Variants in CASS4 observed in about 807,000 individuals in gnomAD.
The protein encoded by CASS4 is cas scaffolding protein family member 4.
A neutral mutation model predicts 54.2 loss-of-function variants in CASS4; 22 were observed. That is an observed-to-expected ratio of 0.41 (90% confidence interval 0.29 to 0.58). CASS4 has a LOEUF of 0.58. CASS4 is among the 20% of genes least tolerant of loss of function. The probability of loss-of-function intolerance (pLI) is 0.36; values close to 1 mark genes in which losing one functional copy is unlikely to be tolerated. For synonymous variants in CASS4, 409 were observed against 391.5 expected (o/e 1.04, Z -0.53); for missense variants, 854 against 986.7 (o/e 0.87, Z 1.80).
chr20:56,418,752 G>T (rs545912005), intron 1 of CASS4, among the ~76,000 whole-genome samples: 8 of 152,286 alleles, frequency 5.3e-5, no homozygotes, highest in Admixed American at 1.3e-4. Context: ...GGAGTAGATA[G>T]CTTCTATTTA....
intron 1 of CASS4, among the ~76,000 whole-genome samples, chr20:56,432,659 C>T (rs1203574842): frequency 6.6e-6 from 1 of 152,156 alleles, no homozygotes; most frequent in Non-Finnish European, 1.5e-5. Flanking sequence ...TGCACCATCA[C>T]ACCCAGCCTA....
Position 56,437,015 on chromosome 20 carries a change from A to C in CASS4, c.37-149A>C. ...CCAAGGATGTGAAGGAACAAATCAAAGAGCAGGGACAAGAGCCTCTGGGGT... is the reference window on the plus strand; with the variant it reads ...CCAAGGATGTGAAGGAACAAATCAACGAGCAGGGACAAGAGCCTCTGGGGT... On this transcript the variant is annotated intron_variant, in intron 1 of 5. Transcript: ENST00000679887. This position sits in a 1 kb window ranked among gnomAD's most constrained non-coding sequence, Gnocchi z 4.7. 14 of 696,532 alleles carry C rather than the reference A, an allele frequency of 2.0e-5. No individual in the cohort carries two copies. The South Asian group carries it at 3.0e-4, about 15-fold the overall frequency. The allele number at this position is 696,532 out of a possible 1,614,324, so 43.1% of individuals were successfully genotyped here.
chr20:56,458,887 C>G lies in CASS4; in HGVS notation c.*140C>G, dbSNP rs577934006. ...ACCTGGTGCCCAAAGCTGGTAGTAC[C>G]AAGTGGCTAAGCAACCCCAGGGCAT... is the stretch of plus-strand genomic sequence containing the variant. On this transcript the variant is annotated 3_prime_UTR_variant, in exon 6 of 6. Transcript: ENST00000679887. 390 of 880,314 alleles carry G rather than the reference C, an allele frequency of 4.4e-4. 4 individuals carry two copies. In the African/African-American group the frequency reaches 5.9e-3, roughly 13 times the overall value. The allele number at this position is 880,314 out of a possible 1,614,324, so 54.5% of individuals were successfully genotyped here.
In CASS4 at chr20:56,451,855, A is replaced by C; in HGVS notation, c.679A>C (p.Arg227=). The stretch of plus-strand genomic sequence containing the variant: ...TCCCCTGATATCAGTGACTACCTTA[A>C]GAAGAGGCGGTTACAGCACATTACC... ...GVPLISVTTL[R]RGGYSTLPNP... is the part of the protein sequence containing the mutation. Residue 227 remains arginine (R), a synonymous_variant, in exon 5 of 6, where the codon AGA becomes CGA. Coordinates refer to ENST00000679887, the MANE Select transcript of CASS4 (RefSeq NM_020356.4). The C allele has an allele frequency of 6.2e-7, 1 of 1,613,934 alleles. No homozygotes were observed. Among genetic ancestry groups the C allele is most frequent in the East Asian group, 2.2e-5 (1 of 44,872 alleles).
At chr20:56,455,799 C>T (rs1018767317) in intron 5 of CASS4, among the ~76,000 whole-genome samples, 7 of 152,074 alleles carry the variant, frequency 4.6e-5, no homozygotes, top group Non-Finnish European at 4.4e-5. Context: ...GGCATGATAG[C>T]GGGCACCTGT....
intron 1 of CASS4, among the ~76,000 whole-genome samples, chr20:56,418,680 T>G (rs1338369571): frequency 1.3e-5 from 2 of 152,210 alleles, no homozygotes; most frequent in Non-Finnish European, 2.9e-5. Flanking sequence ...TTTTGATGTT[T>G]GAGACCGCTG....
At chr20:56,441,151 G>A (rs1980436790) in intron 2 of CASS4, among the ~76,000 whole-genome samples, 1 of 149,120 alleles carries the variant, frequency 6.7e-6, no homozygotes, top group South Asian at 2.1e-4. Flanking sequence ...ACCACGCCTG[G>A]CTAAATTTTT....
chr20:56,440,104 C>T (rs188976519), intron 2 of CASS4, among the ~76,000 whole-genome samples: 64 of 152,356 alleles, frequency 4.2e-4, no homozygotes, highest in African/African-American at 1.4e-3. Flanking sequence ...GGCTACAAGA[C>T]ATAGAACCAG....
In CASS4 at chr20:56,458,984, T is replaced by G. The variant is rs1364088121; in HGVS notation, c.*237T>G. 1 of 508,370 alleles carries G rather than the reference T, an allele frequency of 2.0e-6. No homozygotes were observed. Among genetic ancestry groups the G allele is most frequent in the Non-Finnish European group, 3.5e-6 (1 of 285,072 alleles). 31.5% of individuals were successfully genotyped at this position (508,370 alleles called of 1,614,324 possible). On this transcript the variant is annotated 3_prime_UTR_variant, in exon 6 of 6. Coordinates refer to ENST00000679887, the MANE Select transcript of CASS4 (RefSeq NM_020356.4). The stretch of plus-strand genomic sequence containing the variant: ...AAGACCTTGTGAAGTTTAGCATATA[T>G]GGAGTATGCAGTATCAGCTTGAAGT...
intron 2 of CASS4, among the ~76,000 whole-genome samples, chr20:56,442,477 C>A (rs1980508460): frequency 6.6e-6 from 1 of 151,714 alleles, no homozygotes; most frequent in African/African-American, 2.4e-5. Context: ...GAACACTTTA[C>A]TGAAATTTCA....
chr20:56,443,730 G>C (rs573297294), intron 2 of CASS4, among the ~76,000 whole-genome samples: 1 of 152,254 alleles, frequency 6.6e-6, no homozygotes, highest in East Asian at 1.9e-4. Context: ...CAACACGGCA[G>C]CGTGCAGGCT....
At chr20:56,416,612 CT>C (rs1341281232) in intron 1 of CASS4, among the ~76,000 whole-genome samples, 1 of 151,898 alleles carries the variant, frequency 6.6e-6, no homozygotes, top group Non-Finnish European at 1.5e-5. Context: ...ATACACAGCC[CT>C]TTTTTCCCCA....
intron 2 of CASS4, among the ~76,000 whole-genome samples, chr20:56,439,577 G>A (rs1361069724): frequency 1.3e-5 from 2 of 151,886 alleles, no homozygotes; most frequent in South Asian, 2.1e-4. Context: ...TCAGGAGGCT[G>A]TGGAAGGAGG....
intron 2 of CASS4, 136 bp from the exon 3 acceptor site, chr20:56,445,764 G>A: frequency 3.3e-6 from 2 of 613,496 alleles, no homozygotes; most frequent in Non-Finnish European, 5.7e-6. Flanking sequence ...TGAAGAGCCT[G>A]CCAGCGGGGG....
chr20:56,455,621 A>G (rs759303817), intron 5 of CASS4, among the ~76,000 whole-genome samples: 3 of 152,140 alleles, frequency 2.0e-5, no homozygotes, highest in Non-Finnish European at 2.9e-5. Context: ...ACAATCACCT[A>G]TGATCTTTGT....
chr20:56,422,515 C>G (rs895628542), intron 1 of CASS4, among the ~76,000 whole-genome samples: 25 of 152,224 alleles, frequency 1.6e-4, no homozygotes, highest in African/African-American at 6.0e-4. Flanking sequence ...GCATGTCGAT[C>G]TGGGTAACAC....
chr20:56,450,783 C>T, intron 4 of CASS4, 104 bp downstream of exon 4: 2 of 1,092,374 alleles, frequency 1.8e-6, no homozygotes, highest in Non-Finnish European at 2.7e-6. Context: ...CCTGTAATCC[C>T]AGCACTTTGA....
intron 2 of CASS4, among the ~76,000 whole-genome samples, chr20:56,444,839 G>A (rs183996075): frequency 5.2e-4 from 79 of 152,278 alleles, no homozygotes; most frequent in African/African-American, 1.7e-3. Flanking sequence ...GGCCAGGCGC[G>A]GTGGCTCACG....
intron 1 of CASS4, among the ~76,000 whole-genome samples, chr20:56,431,455 A>T (rs1979899792): frequency 6.6e-6 from 1 of 152,228 alleles, no homozygotes; most frequent in South Asian, 2.1e-4. Flanking sequence ...TGTTTCATTC[A>T]TATTGAGGGG....
Sources: gnomAD v4.1 joint callset for allele counts (sites outside exome capture counted in the v4.1 genomes callset) on GRCh38, gnomAD v4.1.1 for gene constraint, Gnocchi (gnomAD v3.1) non-coding constraint, MANE v1.5 for transcripts, NCBI Gene and HGNC (gene_info 2026-07-23, HGNC 2026-07-21) for gene names.